Variants in THNSL2 observed in about 807,000 individuals in gnomAD.
THNSL2 encodes threonine synthase-like 2.
A neutral mutation model predicts 40.0 loss-of-function variants in THNSL2; 34 were observed. That is an observed-to-expected ratio of 0.85 (90% CI 0.65 to 1.13). THNSL2 has a LOEUF of 1.13. Ranked by LOEUF, THNSL2 falls within the 50% of genes most tolerant of loss-of-function variation. The pLI is 0.00. For synonymous variants in THNSL2, 241 were observed against 247.5 expected (o/e 0.97, Z 0.25); for missense variants, 537 against 608.8 (o/e 0.88, Z 1.24).
chr2:88,181,944 A>C (rs1409893872), intron 5 of THNSL2, among the ~76,000 whole-genome samples: 1 of 152,140 alleles, frequency 6.6e-6, no homozygotes, highest in African/African-American at 2.4e-5. Flanking sequence ...TCCATGTTGT[A>C]TCATATATCA....
intron 5 of THNSL2, among the ~76,000 whole-genome samples, chr2:88,180,371 A>C (rs1189665282): frequency 6.6e-6 from 1 of 152,222 alleles, no homozygotes; most frequent in East Asian, 1.9e-4. Context: ...TAGTAGTTCG[A>C]GACCAGCCTG....
intron 7 of THNSL2, 99 bp from the exon 8 acceptor site, chr2:88,185,229 C>T: frequency 6.7e-7 from 1 of 1,490,186 alleles, no homozygotes; most frequent in Non-Finnish European, 9.0e-7. Flanking sequence ...CCCACTGGAT[C>T]CCTGGGGTTT....
intron 1 of THNSL2, chr2:88,171,345 T>C (rs1274338478): frequency 4.4e-6 from 2 of 456,616 alleles, no homozygotes; most frequent in Non-Finnish European, 8.8e-6. Flanking sequence ...CATGACCTGC[T>C]CAGAGCCCCG....
At position 88,173,308 on chromosome 2, in the gene THNSL2, G is replaced by A. The variant is rs1426642066; in HGVS notation, c.158G>A (p.Gly53Asp). Residue 53 changes from glycine to aspartate, a missense_variant, in exon 2 of 9, where the codon GGC (glycine) becomes GAC (aspartate). Transcript: ENST00000674334. ...LCQWSTLSYP[G>D]LVKELCALFI... Reference sequence around the variant, plus strand: ...CAGTGGAGCACACTCTCCTATCCTGGCCTGGTGAAGGAGCTGTGTGCCCTC... The same window carrying A: ...CAGTGGAGCACACTCTCCTATCCTGACCTGGTGAAGGAGCTGTGTGCCCTC... 8 of 1,612,538 alleles carry A rather than the reference G, an allele frequency of 5.0e-6. No homozygotes were observed. Among genetic ancestry groups the A allele is most frequent in the South Asian group, 3.3e-5 (3 of 90,986 alleles).
chr2:88,178,677 C>G (rs1394667681), intron 4 of THNSL2, 106 bp from the exon 5 acceptor site: 4 of 1,218,484 alleles, frequency 3.3e-6, no homozygotes, highest in Non-Finnish European at 4.8e-6. Context: ...CGCGAAGGTC[C>G]CAGGAGGGTG....
chr2:88,177,874 C>G (rs982713920), intron 4 of THNSL2, among the ~76,000 whole-genome samples: 1 of 152,196 alleles, frequency 6.6e-6, no homozygotes, highest in African/African-American at 2.4e-5. Flanking sequence ...TGGCTTGGTC[C>G]TGGCAAAGGA....
chr2:88,171,303 C>T (rs1349797838), intron 1 of THNSL2: 3 of 456,556 alleles, frequency 6.6e-6, no homozygotes, highest in Admixed American at 2.3e-5. Flanking sequence ...GCGTGAGGGG[C>T]ATGGGTATGT....
rs762450614 is a variant in THNSL2, at chr2:88,173,302, A to G, written c.152A>G (p.Tyr51Cys). 5.6e-6 allele frequency: 9 copies of G among 1,612,670 alleles called. No homozygotes were observed. Among genetic ancestry groups the G allele is most frequent in the Non-Finnish European group, 7.6e-6 (9 of 1,179,926 alleles). The change falls in exon 2 of 9, where the codon TAT becomes TGT. Residue 51 changes from tyrosine (Y) to cysteine (C), a missense_variant. By Grantham distance (194) the Tyr-to-Cys change is radical (BLOSUM62 -2). Transcript: ENST00000674334. ...GTLCQWSTLSYPGLVKELCAL... is the reference protein window; with the variant it reads ...GTLCQWSTLSCPGLVKELCAL... ...CTGTGCCAGTGGAGCACACTCTCCT[A>G]TCCTGGCCTGGTGAAGGAGCTGTGT...
At chr2:88,171,603 C>T (rs915304247) in intron 1 of THNSL2, 1 of 200,780 alleles carries the variant, frequency 5.0e-6, no homozygotes, top group African/African-American at 2.3e-5. Context: ...TTTGCGTTGG[C>T]TCTAACTCTT....
At position 88,179,699 on chromosome 2, in the gene THNSL2, G is replaced by A. The variant is rs1349295185; in HGVS notation, c.802+686G>A. 2.0e-5 allele frequency among the ~76,000 whole-genome samples: 3 copies of A among 152,190 alleles called. No homozygotes were observed. The South Asian group carries it at 6.2e-4, about 31-fold the overall frequency. The stretch of plus-strand genomic sequence containing the variant: ...TCTAATAATCATTAATATTTATCAA[G>A]CACTTAGTATGCAACTGGCACAGTT... On this transcript the variant is annotated intron_variant, in intron 5 of 8. Coordinates refer to ENST00000674334, the MANE Select transcript of THNSL2 (RefSeq NM_018271.5).
chr2:88,176,522 T>C (rs2104173694), intron 4 of THNSL2: 1 of 152,356 alleles, frequency 6.6e-6, no homozygotes, highest in South Asian at 2.1e-4. Context: ...GTTTGGTCAC[T>C]CACCTGACAG....
chr2:88,186,391 AG>A lies in THNSL2; in HGVS notation c.*271del, dbSNP rs2104297286. 2.1e-6 allele frequency: 1 copy of A among 485,784 alleles called. No individual in the cohort carries two copies. Among genetic ancestry groups the A allele is most frequent in the African/African-American group, 1.9e-5 (1 of 51,406 alleles). 30.1% of individuals were successfully genotyped at this position (485,784 alleles called of 1,614,324 possible). On this transcript the variant is annotated 3_prime_UTR_variant, in exon 9 of 9. Transcript: ENST00000674334. ...GTGTCTGAGCTGTAGTGAAAGTTTC[AG>A]GGCCTGCAAAAGAAGAGGCTTGGGC...
chr2:88,173,421 A>C, intron 2 of THNSL2, 48 bp downstream of exon 2: 37 of 1,435,376 alleles, frequency 2.6e-5, no homozygotes, highest in Non-Finnish European at 3.3e-5. Context: ...CTGCCAGCTC[A>C]GTCTACAGAA....
At chr2:88,173,734 A>G (rs767861053) in intron 2 of THNSL2, among the ~76,000 whole-genome samples, 3 of 152,132 alleles carry the variant, frequency 2.0e-5, no homozygotes, top group Non-Finnish European at 2.9e-5. Flanking sequence ...CAGACCCCCA[A>G]ATTGCTATTT....
intron 4 of THNSL2, 106 bp from the exon 5 acceptor site, chr2:88,178,677 C>A (rs1394667681): frequency 8.2e-7 from 1 of 1,218,598 alleles, no homozygotes; most frequent in Non-Finnish European, 1.2e-6. Context: ...CGCGAAGGTC[C>A]CAGGAGGGTG....
intron 5 of THNSL2, among the ~76,000 whole-genome samples, chr2:88,181,651 G>A (rs974023074): frequency 2.3e-4 from 35 of 151,136 alleles, no homozygotes; most frequent in Non-Finnish European, 4.1e-4. Context: ...TTAAGTGTAT[G>A]ATTCAGTGGT....
rs1400874559 is a variant in THNSL2 at position 88,186,167 on chromosome 2, A to G, written c.*44A>G. The G allele has an allele frequency of 1.3e-6, 2 of 1,535,756 alleles. No individual in the cohort carries two copies. The highest frequency in any genetic ancestry group is 2.5e-5 in the East Asian group (1 of 40,814). ...TCTTTAGGCTTCAGATCCCAGGAAG[A>G]TGCACCTTCTGAGCTGCCTTGTGCA... On this transcript the variant is annotated 3_prime_UTR_variant, in exon 9 of 9. Coordinates refer to ENST00000674334, the MANE Select transcript of THNSL2 (RefSeq NM_018271.5).
At chr2:88,178,625 A>T (rs896188054) in intron 4 of THNSL2, among the ~76,000 whole-genome samples, 158 bp from the exon 5 acceptor site, 6 of 152,192 alleles carry the variant, frequency 3.9e-5, no homozygotes, top group African/African-American at 1.4e-4. Flanking sequence ...CTGAGTCTAG[A>T]TAGTGAGGCC....
rs376220295 is a variant in THNSL2, at chr2:88,174,669, G to A, written c.254G>A (p.Arg85His). ...ATCGACCGAGCCTTCAGCAGATTCC[G>A]TCACAGAGAAGTGGTCCATCTGTCC... ...DLIDRAFSRF[R>H]HREVVHLSRL... The change falls in exon 3 of 9, where the codon CGT (arginine) becomes CAT (histidine). Residue 85 changes from arginine to histidine, a missense_variant. Arg to His is a conservative substitution (Grantham distance 29). Transcript: ENST00000674334. 1.1e-4 allele frequency: 173 copies of A among 1,613,970 alleles called. No individual in the cohort carries two copies. Among genetic ancestry groups the A allele is most frequent in the Non-Finnish European group, 1.3e-4 (149 of 1,180,012 alleles).
Sources: allele counts gnomAD v4.1 joint callset (sites outside exome capture counted in the v4.1 genomes callset), GRCh38; gene constraint gnomAD v4.1.1; transcripts MANE v1.5; gene names NCBI Gene and HGNC (gene_info 2026-07-23, HGNC 2026-07-21).